The following PAEP variants were observed in gnomAD, a reference collection of about 807,000 sequenced individuals.
PAEP encodes progestagen associated endometrial protein, also known as glycodelin.
Under a neutral mutation model 23.0 loss-of-function variants are expected in PAEP, and 28 were observed. That is an observed-to-expected ratio of 1.22 (90% CI 0.90 to 1.67). The LOEUF (loss-of-function observed/expected upper bound fraction) is 1.67, where lower values mean the gene tolerates loss of function less well. Among genes scored for constraint, PAEP ranks in the 40% most tolerant of loss-of-function variants. The pLI, the probability that PAEP is intolerant of heterozygous loss-of-function variation, is 0.00. For missense variants in PAEP, 209 were observed against 226.4 expected (o/e 0.92, Z 0.49); for synonymous variants, 103 against 92.4 (o/e 1.12, Z -0.66).
chr9:135,563,808 C>T lies in PAEP; in HGVS notation c.311-436C>T, dbSNP rs187834314. ...ACATTTTCCCAGCAAATACAGTTTG[C>T]TTCTCATGCTTGGGACTTGCCTCAG... On this transcript the variant is annotated intron_variant, in intron 3 of 6. Transcript: ENST00000479141. Among the ~76,000 whole-genome samples the T allele has an allele frequency of 3.9e-3, 594 of 152,296 alleles. 2 individuals are homozygous for T. Among genetic ancestry groups the T allele is most frequent in the Non-Finnish European group, 6.2e-3 (425 of 68,016 alleles).
At position 135,562,847 on chromosome 9, in the gene PAEP, G is replaced by A. The variant is rs77448806; in HGVS notation, c.264G>A (p.Lys88=). 7 of 1,613,884 alleles carry A rather than the reference G, an allele frequency of 4.3e-6. No homozygotes were observed. The highest frequency in any genetic ancestry group is 5.9e-6 in the Non-Finnish European group (7 of 1,179,896). Residue 88 remains lysine (K), a synonymous_variant, in exon 3 of 7, where the codon AAG becomes AAA. Transcript: ENST00000479141. ...AGAACAACAGCTGTGTTGAGAAGAA[G>A]GTCCTTGGAGAGAAGACTGAGAATC... ...RWENNSCVEK[K]VLGEKTENPK...
chr9:135,566,168 CTTT>C, intron 6 of PAEP: 2 of 194,772 alleles, frequency 1.0e-5, no homozygotes, highest in South Asian at 1.1e-4. Context: ...GTCCCACGTT[CTTT>C]TTTTTTTTTC....
At chr9:135,565,606 G>T (rs1832541458) in intron 5 of PAEP, 92 bp downstream of exon 5, 1 of 1,406,618 alleles carries the variant, frequency 7.1e-7, no homozygotes, top group Non-Finnish European at 1.0e-6. Flanking sequence ...CAGGACTCAG[G>T]TCACTCCTTT....
chr9:135,565,333 C>A, intron 4 of PAEP, 77 bp from the exon 5 acceptor site: 1 of 1,224,148 alleles, frequency 8.2e-7, no homozygotes. Context: ...GCCCTCCCTC[C>A]TCAGGCAAGG....
intron 4 of PAEP, chr9:135,564,832 G>A (rs1470380766): frequency 8.1e-6 from 8 of 985,258 alleles, no homozygotes; most frequent in African/African-American, 7.0e-5. Context: ...GCGGTTCATC[G>A]AGTCCTCTGA....
rs543583253 is a variant in PAEP at position 135,565,466 on chromosome 9, C to T, written c.478C>T (p.Pro160Ser). 6 of 1,614,164 alleles carry T rather than the reference C, an allele frequency of 3.7e-6. No homozygotes were observed. The highest frequency in any genetic ancestry group is 1.1e-5 in the South Asian group (1 of 91,088). The change falls in exon 5 of 7, where the codon CCC becomes TCC. Residue 160 changes from proline (P) to serine (S), a missense_variant. By Grantham distance (74) the Pro-to-Ser change is moderately conservative. Transcript: ENST00000479141. ...IMQGFIRAFRPLPRHLWYLLD... is the reference protein window; with the variant it reads ...IMQGFIRAFRSLPRHLWYLLD... ...GCAGGGATTCATCAGGGCTTTCAGGCCCCTGCCCAGGCACCTATGGTACTT... is the reference window on the plus strand; with the variant it reads ...GCAGGGATTCATCAGGGCTTTCAGGTCCCTGCCCAGGCACCTATGGTACTT...
At chr9:135,563,499 TAGGTGAAC>T (rs1307792601) in intron 3 of PAEP, among the ~76,000 whole-genome samples, 1 of 137,630 alleles carries the variant, frequency 7.3e-6, no homozygotes, top group African/African-American at 2.7e-5. Context: ...GGCAGGTGGG[TAGGTGAAC>T]AGGTGGGCAG....
rs531159658 is a variant in PAEP, at chr9:135,562,769, A to T, written c.237-51A>T. 7.5e-6 allele frequency: 11 copies of T among 1,458,598 alleles called. No homozygotes were observed. In the African/African-American group the frequency reaches 1.4e-4, roughly 18 times the overall value. 90.4% of individuals were successfully genotyped at this position (1,458,598 alleles called of 1,614,324 possible). ...TGACCTGATTTTAGGAGTGACAGTG[A>T]AGGCAACTCCAATTCAAGTGGCCAC... is the stretch of plus-strand genomic sequence containing the variant. On this transcript the variant is annotated intron_variant, in intron 2 of 6. Transcript: ENST00000479141.
At chr9:135,566,086 T>C (rs1588176706) in intron 6 of PAEP, 1 of 485,900 alleles carries the variant, frequency 2.1e-6, no homozygotes, top group East Asian at 3.5e-5. Context: ...TTGGAAATGG[T>C]GGGGGCTATA....
Position 135,561,833 on chromosome 9 carries a change from C to T in PAEP, c.32C>T (p.Ala11Val), listed in dbSNP as rs866574713. 1.3e-6 allele frequency: 2 copies of T among 1,560,910 alleles called. No homozygotes were observed. The highest frequency in any genetic ancestry group is 1.2e-5 in the South Asian group (1 of 84,776). Residue 11 changes from alanine (A) to valine (V), a missense_variant, in exon 1 of 7, where the codon GCC becomes GTC. Physicochemically the swap from Ala to Val is moderately conservative, Grantham distance 64. Coordinates refer to ENST00000479141, the MANE Select transcript of PAEP (RefSeq NM_002571.4). ...TGCCTCCTGCTCACCCTGGGCGTGG[C>T]CCTGGTCTGTGGTGTCCCGGCCATG... is the stretch of plus-strand genomic sequence containing the variant. Reference protein sequence around the residue: MLCLLLTLGVALVCGVPAMDI... With the variant: MLCLLLTLGVVLVCGVPAMDI...
At chr9:135,565,378 G>A (rs779351497) in intron 4 of PAEP, 32 bp from the exon 5 acceptor site, 2 of 1,577,780 alleles carry the variant, frequency 1.3e-6, no homozygotes, top group East Asian at 2.2e-5. Flanking sequence ...GGAAGCCCCA[G>A]GGGCCCAGGA....
At chr9:135,563,016 G>A (rs1832384131) in intron 3 of PAEP, 123 bp downstream of exon 3, 1 of 744,130 alleles carries the variant, frequency 1.3e-6, no homozygotes, top group South Asian at 1.6e-5. Context: ...CTCTGCTTCA[G>A]GGAGTCAGAG....
At chr9:135,565,335 C>T (rs1359400237) in intron 4 of PAEP, 75 bp from the exon 5 acceptor site, 1 of 1,230,956 alleles carries the variant, frequency 8.1e-7, no homozygotes, top group Non-Finnish European at 1.2e-6. Context: ...CCTCCCTCCT[C>T]AGGCAAGGCC....
chr9:135,563,081 C>T (rs1832387647), intron 3 of PAEP, 188 bp downstream of exon 3: 2 of 588,820 alleles, frequency 3.4e-6, no homozygotes, highest in Non-Finnish European at 6.1e-6. Flanking sequence ...ACCTGGAGGG[C>T]AGGGGAAGCA....
Position 135,561,789 on chromosome 9 carries a change from C to G in PAEP, c.-13C>G. On this transcript the variant is annotated 5_prime_UTR_variant, in exon 1 of 7. Transcript: ENST00000479141. Reference sequence around the variant, plus strand: ...TCTGGCTCCAGAGCTCAGAGCCACCCACAGCCGCAGCCATGCTGTGCCTCC... The same window carrying G: ...TCTGGCTCCAGAGCTCAGAGCCACCGACAGCCGCAGCCATGCTGTGCCTCC... 1 of 1,543,818 alleles carries G rather than the reference C, an allele frequency of 6.5e-7. No individual in the cohort carries two copies. The highest frequency in any genetic ancestry group is 8.8e-7 in the Non-Finnish European group (1 of 1,141,108).
In PAEP at chr9:135,565,502, A is replaced by G; in HGVS notation, c.514A>G (p.Lys172Glu). Residue 172 changes from lysine to glutamate, a missense_variant, in exon 5 of 7, where the codon AAA becomes GAA. By Grantham distance (56) the Lys-to-Glu change is moderately conservative. Coordinates refer to ENST00000479141, the MANE Select transcript of PAEP (RefSeq NM_002571.4). ...GCACCTATGGTACTTGCTGGACTTG[A>G]AACAGATGGAAGGTGAGCTCTGCCT... The part of the protein sequence containing the change: ...PRHLWYLLDL[K>E]QMEEPCRF 1 of 1,613,682 alleles carries G rather than the reference A, an allele frequency of 6.2e-7. No individual in the cohort carries two copies. Among genetic ancestry groups the G allele is most frequent in the Non-Finnish European group, 8.5e-7 (1 of 1,179,606 alleles).
intron 3 of PAEP, 98 bp downstream of exon 3, chr9:135,562,991 G>T (rs1187588951): frequency 1.0e-5 from 9 of 882,078 alleles, no homozygotes; most frequent in East Asian, 7.2e-5. Flanking sequence ...GTGGGGCCTG[G>T]CCTGTCCCCA....
chr9:135,564,388 G>A, intron 4 of PAEP, 34 bp downstream of exon 4: 1 of 1,546,786 alleles, frequency 6.5e-7, no homozygotes, highest in Non-Finnish European at 8.7e-7. Context: ...CAACGTGGGT[G>A]AGAGGCAGCA....
chr9:135,565,562 C>T, intron 5 of PAEP, 48 bp downstream of exon 5: 3 of 1,551,634 alleles, frequency 1.9e-6, no homozygotes, highest in Non-Finnish European at 2.7e-6. Context: ...GGAGAAGCTG[C>T]CTCTTTCTTA....
Sources: gnomAD v4.1 joint callset for allele counts (sites outside exome capture counted in the v4.1 genomes callset) on GRCh38, gnomAD v4.1.1 for gene constraint, MANE v1.5 for transcripts, NCBI Gene and HGNC (gene_info 2026-07-23, HGNC 2026-07-21) for gene names.